Variants in ROR1 observed in about 807,000 individuals in gnomAD.
The protein encoded by ROR1 is ROR family WNT receptor 1.
Under a neutral mutation model 78.8 loss-of-function variants are expected in ROR1, and 19 were observed. The ratio of observed to expected loss-of-function variants is 0.24; its 90% CI spans 0.17 to 0.35. The LOEUF (loss-of-function observed/expected upper bound fraction) is 0.35. ROR1 is among the 10% of genes least tolerant of loss of function. The pLI is 1.00. For missense variants in ROR1, 917 were observed against 1,177.8 expected, an observed-to-expected ratio of 0.78 and a Z score of 3.24; for synonymous variants, 386 against 433.6, an observed-to-expected ratio of 0.89 and a Z score of 1.36.
chr1:64,000,702 T>A (rs1236128368), intron 1 of ROR1, among the ~76,000 whole-genome samples: 2 of 152,174 alleles, frequency 1.3e-5, no homozygotes, highest in African/African-American at 4.8e-5. Context: ...TATTTGCACT[T>A]CCTCCAATGT....
chr1:64,083,595 G>GAAA (rs1241939075), intron 4 of ROR1, among the ~76,000 whole-genome samples: 96 of 118,918 alleles, frequency 8.1e-4, no homozygotes, highest in South Asian at 1.9e-3. Flanking sequence ...GAGAGAGAGA[G>GAAA]AAAAAAAAAA....
Position 63,864,884 on chromosome 1 carries a change from C to T in ROR1, c.91+90376C>T, listed in dbSNP as rs567327876. Among the ~76,000 whole-genome samples the T allele has an allele frequency of 3.5e-5, 5 of 144,852 alleles. No individual in the cohort carries two copies. The South Asian group carries it at 1.1e-3, about 32-fold the overall frequency. Reference sequence around the variant, plus strand: ...TTTATTTTTTTTCCTTTTGTTTTACCTTCTCCTTTCTGGCTTTGTTCAGAA... The same window carrying T: ...TTTATTTTTTTTCCTTTTGTTTTACTTTCTCCTTTCTGGCTTTGTTCAGAA... On this transcript the variant is annotated intron_variant, in intron 1 of 8. Transcript: ENST00000371079.
At chr1:63,953,296 C>A (rs570505734) in intron 1 of ROR1, among the ~76,000 whole-genome samples, 1 of 152,112 alleles carries the variant, frequency 6.6e-6, no homozygotes, top group Non-Finnish European at 1.5e-5. Flanking sequence ...CCAGCAGTCC[C>A]CTCTTATCTG....
intron 2 of ROR1, among the ~76,000 whole-genome samples, chr1:64,014,740 C>CCATATATATATATATA (rs1646504665): frequency 3.4e-5 from 1 of 29,048 alleles, no homozygotes; most frequent in African/African-American, 1.1e-4. Context: ...CATACGCACA[C>CCATATATATATATATA]TATATATATA....
At chr1:63,791,850 A>G (rs1404534659) in intron 1 of ROR1, among the ~76,000 whole-genome samples, 1 of 152,190 alleles carries the variant, frequency 6.6e-6, no homozygotes, top group African/African-American at 2.4e-5. Flanking sequence ...GAGGATTTAG[A>G]TGGCAAGTAC....
At chr1:63,817,959 G>A (rs1173660073) in intron 1 of ROR1, among the ~76,000 whole-genome samples, 1 of 152,176 alleles carries the variant, frequency 6.6e-6, no homozygotes, top group East Asian at 1.9e-4. Flanking sequence ...TGTAGTAACT[G>A]AAATGTTATA....
At chr1:63,809,169 A>G (rs1208907739) in intron 1 of ROR1, among the ~76,000 whole-genome samples, 1 of 152,176 alleles carries the variant, frequency 6.6e-6, no homozygotes, top group African/African-American at 2.4e-5. Flanking sequence ...AGGTAGTGTC[A>G]GGGCAGTCAG....
At chr1:64,104,725 T>G (rs1198558299) in intron 4 of ROR1, among the ~76,000 whole-genome samples, 1 of 152,120 alleles carries the variant, frequency 6.6e-6, no homozygotes, top group African/African-American at 2.4e-5. Flanking sequence ...GGTTTTCTGT[T>G]CTTGTGATAG....
chr1:63,936,478 G>A (rs1645795482), intron 1 of ROR1, among the ~76,000 whole-genome samples: 1 of 152,124 alleles, frequency 6.6e-6, no homozygotes, highest in African/African-American at 2.4e-5. Context: ...GGTTTTGCTG[G>A]AATGCTAACC....
chr1:63,957,277 C>A (rs1046999478), intron 1 of ROR1, among the ~76,000 whole-genome samples: 6 of 152,178 alleles, frequency 3.9e-5, no homozygotes, highest in African/African-American at 9.7e-5. Flanking sequence ...TTTCATGCAA[C>A]TGCAGGATCT....
At chr1:63,960,338 A>C (rs879361702) in intron 1 of ROR1, among the ~76,000 whole-genome samples, 9 of 152,226 alleles carry the variant, frequency 5.9e-5, no homozygotes, top group Non-Finnish European at 1.2e-4. Context: ...AAGCACGAGC[A>C]TGCTTGGAAT....
intron 1 of ROR1, among the ~76,000 whole-genome samples, chr1:63,783,669 G>A (rs777883356): frequency 3.3e-5 from 5 of 152,202 alleles, no homozygotes; most frequent in Non-Finnish European, 7.3e-5. Flanking sequence ...GAAAATACAA[G>A]ACGAACTGTC....
intron 1 of ROR1, among the ~76,000 whole-genome samples, chr1:63,952,341 G>A (rs1452381836): frequency 6.6e-6 from 1 of 152,184 alleles, no homozygotes; most frequent in Admixed American, 6.5e-5. Context: ...AGGTGATGGA[G>A]GACCTAGGTA....
Position 64,088,327 on chromosome 1 carries a change from G to A in ROR1, c.482+37611G>A, listed in dbSNP as rs186089952. Among the ~76,000 whole-genome samples the A allele has an allele frequency of 4.1e-3, 626 of 152,108 alleles. 6 individuals are homozygous for A. Among genetic ancestry groups the A allele is most frequent in the African/African-American group, 0.014 (583 of 41,482 alleles). ...GGAGTAACTATTAGAGTCTTACCAG[G>A]TGCCAACCACAGTGCTTCACATTCT... On this transcript the variant is annotated intron_variant, in intron 4 of 8. Transcript: ENST00000371079.
In ROR1 at chr1:64,118,366, C is replaced by T. The variant is rs530257413; in HGVS notation, c.483-19003C>T. On this transcript the variant is annotated intron_variant, in intron 4 of 8. Coordinates refer to ENST00000371079, the MANE Select transcript of ROR1 (RefSeq NM_005012.4). ...GGACCTGGCCGGGTGCTGTGGCTCA[C>T]GCCTGTAATCCCAGCACTTTGGGAG... Among the ~76,000 whole-genome samples, 330 of 151,966 alleles carry T rather than the reference C, an allele frequency of 2.2e-3. 3 individuals are homozygous for T. The highest frequency in any genetic ancestry group is 7.4e-3 in the African/African-American group (307 of 41,428).
chr1:64,000,411 G>A (rs1231548530), intron 1 of ROR1, among the ~76,000 whole-genome samples: 2 of 152,234 alleles, frequency 1.3e-5, no homozygotes, highest in East Asian at 3.9e-4. Context: ...ATTGTATTAA[G>A]CATCCATTGA....
intron 7 of ROR1, among the ~76,000 whole-genome samples, chr1:64,145,166 G>T (rs185306285): frequency 6.6e-6 from 1 of 152,256 alleles, no homozygotes; most frequent in East Asian, 1.9e-4. Context: ...AGCAAATATT[G>T]TTTGAGAGCC....
intron 8 of ROR1, among the ~76,000 whole-genome samples, chr1:64,167,119 G>A (rs952919074): frequency 2.6e-5 from 4 of 152,162 alleles, no homozygotes; most frequent in Non-Finnish European, 4.4e-5. Context: ...GTCTGCTCAG[G>A]TGCAGAGCCC....
intron 1 of ROR1, among the ~76,000 whole-genome samples, chr1:63,786,858 G>A (rs1287529068): frequency 6.6e-6 from 1 of 152,128 alleles, no homozygotes; most frequent in Non-Finnish European, 1.5e-5. Flanking sequence ...GAGACGTCCT[G>A]TGTAAACTAA....
Sources: gnomAD v4.1 joint callset for allele counts (sites outside exome capture counted in the v4.1 genomes callset) on GRCh38, gnomAD v4.1.1 for gene constraint, MANE v1.5 for transcripts, NCBI Gene and HGNC (gene_info 2026-07-23, HGNC 2026-07-21) for gene names.